The following SASH1 variants were observed in gnomAD, a reference collection of about 807,000 sequenced individuals.
The protein encoded by SASH1 is SAM and SH3 domain-containing protein 1.
Under a neutral mutation model 125.2 loss-of-function variants are expected in SASH1, and 44 were observed. The observed-to-expected ratio is 0.35, with a 90% CI of 0.28 to 0.45. SASH1 has a LOEUF of 0.45. Among genes scored for constraint, SASH1 ranks in the 20% least tolerant of loss-of-function variants. The pLI is 1.00. For synonymous variants in SASH1, 639 were observed against 649.1 expected (o/e 0.98, Z 0.24); for missense variants, 1,426 against 1,614.5 (o/e 0.88, Z 2.00).
At chr6:148,317,867 A>G (rs1401254460) in intron 1 of SASH1, among the ~76,000 whole-genome samples, 1 of 152,220 alleles carries the variant, frequency 6.6e-6, no homozygotes, top group African/African-American at 2.4e-5. Flanking sequence ...TTAGCAACGC[A>G]TTCCATTATT....
chr6:148,466,240 C>T (rs553133461), intron 4 of SASH1, among the ~76,000 whole-genome samples: 6 of 152,200 alleles, frequency 3.9e-5, no homozygotes, highest in South Asian at 2.1e-4. Flanking sequence ...TCCTCTCTAG[C>T]GGTTTCTCCC....
At chr6:148,406,445 C>T (rs1562386038) in intron 2 of SASH1, among the ~76,000 whole-genome samples, 1 of 152,212 alleles carries the variant, frequency 6.6e-6, no homozygotes, top group East Asian at 1.9e-4. Context: ...CAGATTCCTA[C>T]TTGCCAGTAT....
chr6:148,275,283 T>C (rs958857193), intron 1 of SASH1, among the ~76,000 whole-genome samples: 2 of 152,232 alleles, frequency 1.3e-5, no homozygotes, highest in African/African-American at 4.8e-5. Flanking sequence ...TTCTTGGCCC[T>C]GGACATCATT....
chr6:148,470,349 C>T (rs1778039477), intron 5 of SASH1, among the ~76,000 whole-genome samples: 1 of 152,192 alleles, frequency 6.6e-6, no homozygotes. Flanking sequence ...ACGTCTGCTT[C>T]ATTGCTTGGC....
At position 148,390,277 on chromosome 6, in the gene SASH1, T is replaced by C. The variant is rs748459885; in HGVS notation, c.285+15T>C. The C allele has an allele frequency of 1.4e-5, 23 of 1,608,580 alleles. No homozygotes were observed. The highest frequency in any genetic ancestry group is 1.8e-5 in the Non-Finnish European group (21 of 1,177,786). ...ACCTGGAAGTGGTGAGTGGGGGTCC[T>C]GGGAATATGCTTCTGTGAGCAGAGC... On this transcript the variant is annotated intron_variant, in intron 2 of 19. Transcript: ENST00000367467.
intron 4 of SASH1, among the ~76,000 whole-genome samples, chr6:148,462,041 A>C (rs1048110921): frequency 6.6e-6 from 1 of 151,268 alleles, no homozygotes; most frequent in Non-Finnish European, 1.5e-5. Context: ...TTTTTTTTTT[A>C]AATGGTGGAG....
At position 148,544,844 on chromosome 6, in the gene SASH1, G is replaced by T; in HGVS notation, c.3348+26G>T. The T allele has an allele frequency of 6.5e-7, 1 of 1,533,684 alleles. No homozygotes were observed. The highest frequency in any genetic ancestry group is 8.8e-7 in the Non-Finnish European group (1 of 1,138,328). On this transcript the variant is annotated intron_variant, in intron 18 of 19. Transcript: ENST00000367467. The surrounding 1 kb of genome is among the most constrained non-coding windows in gnomAD (Gnocchi z 6.4). The stretch of plus-strand genomic sequence containing the variant: ...GTATCAAAGGTCCTGGGCCCACCAC[G>T]TTCACAGGCCTTTGTTTGTAGAAGT...
At chr6:148,381,512 T>G (rs1168044819) in intron 1 of SASH1, among the ~76,000 whole-genome samples, 1 of 151,114 alleles carries the variant, frequency 6.6e-6, no homozygotes, top group Admixed American at 6.6e-5. Context: ...GAGGGGTGGA[T>G]GGTGACAGGG....
chr6:148,438,984 T>C (rs896612452), intron 2 of SASH1, among the ~76,000 whole-genome samples: 1 of 152,226 alleles, frequency 6.6e-6, no homozygotes, highest in African/African-American at 2.4e-5. Context: ...TTTAATACTT[T>C]ATTGCTACTT....
chr6:148,232,880 C>A, the SASH1 span, among the ~76,000 whole-genome samples: 30 of 152,084 alleles, frequency 2.0e-4, no homozygotes, highest in African/African-American at 7.0e-4. Context: ...ATATATAGTA[C>A]ATTATCTGGT....
At chr6:148,527,672 T>A in intron 12 of SASH1, 76 bp downstream of exon 12, 1 of 1,364,778 alleles carries the variant, frequency 7.3e-7, no homozygotes, top group Non-Finnish European at 1.0e-6. Context: ...TCTGAGATTT[T>A]AAATGGTGCT....
rs1215316360 is a variant in SASH1 at position 148,529,227 on chromosome 6, G to T, written c.1428+1631G>T. Among the ~76,000 whole-genome samples the T allele has an allele frequency of 1.3e-5, 2 of 152,152 alleles. No homozygotes were observed. The highest frequency in any genetic ancestry group is 4.8e-5 in the African/African-American group (2 of 41,436). On this transcript the variant is annotated intron_variant, in intron 12 of 19. Coordinates refer to ENST00000367467, the MANE Select transcript of SASH1 (RefSeq NM_015278.5). This position sits in a 1 kb window ranked among gnomAD's most constrained non-coding sequence, Gnocchi z 4.2. ...CGTGGCCCGGGAGTTGGAGAATGCTGATCTAGAGGATAGAGGCCAGGGACG... is the reference window on the plus strand; with the variant it reads ...CGTGGCCCGGGAGTTGGAGAATGCTTATCTAGAGGATAGAGGCCAGGGACG...
chr6:148,355,729 G>A (rs1331191942), intron 1 of SASH1, among the ~76,000 whole-genome samples: 1 of 152,142 alleles, frequency 6.6e-6, no homozygotes, highest in Non-Finnish European at 1.5e-5. Flanking sequence ...CTCGAGAGAA[G>A]CTTACCAGGT....
chr6:148,231,445 T>G, the SASH1 span, among the ~76,000 whole-genome samples: 2 of 152,188 alleles, frequency 1.3e-5, no homozygotes, highest in African/African-American at 4.8e-5. Context: ...TTCAAGATGG[T>G]TTTTCCTAAT....
rs747591816 is a variant in SASH1 at position 148,440,399 on chromosome 6, G to A, written c.378G>A (p.Val126=). ...GFCSAVSTPE[V]ERKNPLHKSN... is the part of the protein sequence containing the mutation. ...GTAGCGCCGTGTCAACCCCAGAAGT[G>A]GAAAGAAAGTAAGTCTTTCTCCCTC... The change falls in exon 4 of 20, where the codon GTG becomes GTA. Residue 126 remains valine, a synonymous_variant. Transcript: ENST00000367467. The A allele has an allele frequency of 6.2e-7, 1 of 1,613,436 alleles. No individual in the cohort carries two copies. Among genetic ancestry groups the A allele is most frequent in the East Asian group, 2.2e-5 (1 of 44,872 alleles).
chr6:148,440,833 G>A (rs1776513201), intron 4 of SASH1: 1 of 164,996 alleles, frequency 6.1e-6, no homozygotes, highest in Non-Finnish European at 1.3e-5. Flanking sequence ...CCTCATTTTG[G>A]TAGGTGACCT....
chr6:148,250,759 G>A, the SASH1 span, among the ~76,000 whole-genome samples: 1 of 152,078 alleles, frequency 6.6e-6, no homozygotes, highest in Non-Finnish European at 1.5e-5. Flanking sequence ...ACCATCATGG[G>A]TATTTGCTTC....
intron 1 of SASH1, among the ~76,000 whole-genome samples, chr6:148,336,232 G>A (rs1232461704): frequency 7.6e-6 from 1 of 132,156 alleles, no homozygotes; most frequent in East Asian, 2.4e-4. Flanking sequence ...CTGGAGTGCA[G>A]TGGCAAGATC....
chr6:148,450,441 A>C (rs142412338), intron 4 of SASH1, among the ~76,000 whole-genome samples: 5 of 152,218 alleles, frequency 3.3e-5, no homozygotes, highest in Non-Finnish European at 5.9e-5. Context: ...TCTGAATTTC[A>C]TGCATTGGAA....
Sources: gnomAD v4.1 joint callset for allele counts (sites outside exome capture counted in the v4.1 genomes callset) on GRCh38, gnomAD v4.1.1 for gene constraint, Gnocchi (gnomAD v3.1) non-coding constraint, MANE v1.5 for transcripts, NCBI Gene and HGNC (gene_info 2026-07-23, HGNC 2026-07-21) for gene names.